BCCIP: variants seen among roughly 807,000 people sequenced by gnomAD.
The protein encoded by BCCIP is BRCA2 and CDKN1A-interacting protein.
In BCCIP, 23 loss-of-function variants were observed where a neutral mutation model predicts 32.8. The observed-to-expected ratio is 0.70, with a 90% confidence interval of 0.51 to 0.99. BCCIP has a LOEUF of 0.99. Ranked by LOEUF, BCCIP falls within the 50% of genes least tolerant of loss-of-function variation. The pLI, the probability that BCCIP is intolerant of heterozygous loss-of-function variation, is 0.00. For synonymous variants in BCCIP, 144 were observed against 137.6 expected (o/e 1.05, Z -0.33); for missense variants, 378 against 379.8 (o/e 1.00, Z 0.04).
chr10:125,838,314 A>G (rs1854763960), downstream of BCCIP: 6 of 1,613,940 alleles, frequency 3.7e-6, no homozygotes, highest in Non-Finnish European at 5.1e-6. Context: ...GTAACCAGAC[A>G]GGGGATGCAG....
At chr10:125,846,539 C>G (rs1557141), downstream of BCCIP, among the ~76,000 whole-genome samples, 4 of 152,214 alleles carry the variant, frequency 2.6e-5, no homozygotes, top group Admixed American at 2.6e-4. Context: ...AGGCACACAT[C>G]TGGGACAGCC....
chr10:125,850,465 C>T (rs1944076510), intron 7 of BCCIP, among the ~76,000 whole-genome samples: 1 of 148,326 alleles, frequency 6.7e-6, no homozygotes, highest in South Asian at 2.1e-4. Context: ...TCAAGTGATT[C>T]TCCTGCCTCA....
intron 1 of BCCIP, among the ~76,000 whole-genome samples, chr10:125,825,042 A>G (rs1043039897): frequency 9.9e-5 from 15 of 152,274 alleles, no homozygotes; most frequent in Non-Finnish European, 1.9e-4. Context: ...TATGCCTTGA[A>G]TGCCATCTCA....
rs1003771833 is a variant in BCCIP at position 125,834,120 on chromosome 10, C to T, written c.774+174C>T. ...CATAGTGCCAGGTGCATAGTAGGTA[C>T]TCAGGAGGCTAGGCACCAGCCTCCT... On this transcript the variant is annotated intron_variant, in intron 6 of 6. Transcript: ENST00000278100. 6.9e-5 allele frequency: 47 copies of T among 679,180 alleles called. No homozygotes were observed. The African/African-American group carries it at 8.1e-4, about 12-fold the overall frequency. The allele number at this position is 679,180 out of a possible 1,614,324, so 42.1% of individuals were successfully genotyped here. A position where few individuals can be genotyped will look rare whatever the true frequency, so the allele number is the denominator to read the frequency against.
chr10:125,826,621 C>A lies in BCCIP; in HGVS notation c.196C>A (p.Leu66Ile). ...EVNIEFEAYS[L>I]SDNDYDGIKK... ...GAATATTGAATTTGAAGCTTATTCC[C>A]TATCAGATAATGATTATGACGGAAT... The change falls in exon 2 of 7, where the codon CTA becomes ATA. Residue 66 changes from leucine to isoleucine, a missense_variant. Coordinates refer to ENST00000278100, the MANE Select transcript of BCCIP (RefSeq NM_078468.3). The A allele has an allele frequency of 6.2e-7, 1 of 1,613,562 alleles. No homozygotes were observed. The highest frequency in any genetic ancestry group is 8.5e-7 in the Non-Finnish European group (1 of 1,179,756).
chr10:125,837,266 A>G (rs1038490425), downstream of BCCIP, among the ~76,000 whole-genome samples: 4 of 152,216 alleles, frequency 2.6e-5, no homozygotes, highest in African/African-American at 7.2e-5. Flanking sequence ...TAAGCCAGAC[A>G]TCTATGAGTC....
At chr10:125,839,303 C>G, downstream of BCCIP, 4 of 1,055,940 alleles carry the variant, frequency 3.8e-6, no homozygotes, top group Admixed American at 2.5e-5. Context: ...ACAAAGGAGG[C>G]CACGTAGGTG....
rs545503154 is a variant in BCCIP at position 125,826,595 on chromosome 10, T to C, written c.170T>C (p.Val57Ala). ...DEEDEVIDEE[V>A]NIEFEAYSLS... ...TATTTTGTGTGTTATTTACAGGAAG[T>C]GAATATTGAATTTGAAGCTTATTCC... The change falls in exon 2 of 7, where the codon GTG (valine) becomes GCG (alanine). Residue 57 changes from valine to alanine, a missense_variant. Coordinates refer to ENST00000278100, the MANE Select transcript of BCCIP (RefSeq NM_078468.3). 6.2e-7 allele frequency: 1 copy of C among 1,613,574 alleles called. No individual in the cohort carries two copies. The highest frequency in any genetic ancestry group is 2.2e-5 in the East Asian group (1 of 44,868).
At chr10:125,853,079 C>G in intron 7 of BCCIP, 1 of 1,367,760 alleles carries the variant, frequency 7.3e-7, no homozygotes, top group Non-Finnish European at 1.0e-6. Flanking sequence ...ATCATAACAG[C>G]TAATACAGAA....
chr10:125,842,135 T>A, exon 7 of BCCIP: 1 of 696,608 alleles, frequency 1.4e-6, no homozygotes, highest in Non-Finnish European at 2.2e-6. Context: ...CCTGTGATTG[T>A]CCAGCTCATG....
At chr10:125,846,604 G>C (rs1055793288), downstream of BCCIP, among the ~76,000 whole-genome samples, 2 of 152,174 alleles carry the variant, frequency 1.3e-5, no homozygotes, top group Non-Finnish European at 2.9e-5. Flanking sequence ...AGATGCACAC[G>C]TAAATCAAGA....
At chr10:125,841,309 C>A, downstream of BCCIP, 1 of 1,614,106 alleles carries the variant, frequency 6.2e-7, no homozygotes, top group Non-Finnish European at 8.5e-7. Flanking sequence ...AGGATTGGAA[C>A]CAGTTCCGAT....
At chr10:125,850,401 A>G (rs1236734957) in intron 7 of BCCIP, among the ~76,000 whole-genome samples, 1 of 127,774 alleles carries the variant, frequency 7.8e-6, no homozygotes, top group African/African-American at 3.1e-5. Context: ...CTTGTTGCCC[A>G]GGCTGCAGTG....
downstream of BCCIP, among the ~76,000 whole-genome samples, chr10:125,845,513 A>G (rs73381236): frequency 0.012 from 1,820 of 152,334 alleles, 32 homozygotes; most frequent in African/African-American, 0.04. Context: ...TAAAGTGGAC[A>G]TGTATTTTCA....
chr10:125,852,653 A>G lies in BCCIP; in HGVS notation c.851-472A>G, dbSNP rs1208781233. On this transcript the variant is annotated intron_variant, in intron 7 of 7. Transcript: ENST00000368759. ...TCTCGGGTTGTACACCTTTAAATGGAAAGACAGCATCATTAGCGTCAGATA... is the reference window on the plus strand; with the variant it reads ...TCTCGGGTTGTACACCTTTAAATGGGAAGACAGCATCATTAGCGTCAGATA... The G allele has an allele frequency of 1.3e-6, 2 of 1,594,990 alleles. No homozygotes were observed. Among genetic ancestry groups the G allele is most frequent in the Non-Finnish European group, 8.5e-7 (1 of 1,172,856 alleles).
chr10:125,838,237 T>C (rs1315573882), downstream of BCCIP: 1 of 1,611,672 alleles, frequency 6.2e-7, no homozygotes, highest in South Asian at 1.1e-5. Context: ...GTAATCCTGA[T>C]GTAGTTGTTC....
intron 3 of BCCIP, among the ~76,000 whole-genome samples, chr10:125,828,950 G>A (rs1854465807): frequency 6.6e-6 from 1 of 152,126 alleles, no homozygotes; most frequent in African/African-American, 2.4e-5. Flanking sequence ...TTCTCCATGT[G>A]GGCCTCGTCA....
chr10:125,825,138 T>G (rs1312491033), intron 1 of BCCIP, among the ~76,000 whole-genome samples: 2 of 152,040 alleles, frequency 1.3e-5, no homozygotes, highest in African/African-American at 4.8e-5. Flanking sequence ...ATGGGAAATC[T>G]ATCACACCAC....
chr10:125,828,036 A>G (rs1254959905), intron 3 of BCCIP, among the ~76,000 whole-genome samples: 1 of 149,412 alleles, frequency 6.7e-6, no homozygotes, highest in Non-Finnish European at 1.5e-5. Flanking sequence ...GTATTACTGG[A>G]GGAATGGAGA....
Sources: gnomAD v4.1 joint callset for allele counts (sites outside exome capture counted in the v4.1 genomes callset) on GRCh38, gnomAD v4.1.1 for gene constraint, MANE v1.5 for transcripts, NCBI Gene and HGNC (gene_info 2026-07-23, HGNC 2026-07-21) for gene names.